Variants in FOXJ2 observed in about 807,000 individuals in gnomAD.
The protein encoded by FOXJ2 is forkhead box protein J2.
Under a neutral mutation model 68.4 loss-of-function variants are expected in FOXJ2, and 18 were observed. That is an observed-to-expected ratio of 0.26 (90% CI 0.18 to 0.39). FOXJ2 has a LOEUF of 0.39. FOXJ2 is among the 10% of genes least tolerant of loss of function. The pLI is 1.00. For missense variants in FOXJ2, 670 were observed against 726.5 expected (o/e 0.92, Z 0.89); for synonymous variants, 274 against 263.2 (o/e 1.04, Z -0.40).
rs1446234684 is a variant in FOXJ2, at chr12:8,048,173, T to G, written c.1109T>G (p.Leu370Arg). Residue 370 changes from leucine (L) to arginine (R), a missense_variant, in exon 7 of 11, where the codon CTG becomes CGG. By Grantham distance (102) the Leu-to-Arg change is moderately radical. Coordinates refer to ENST00000162391, the MANE Select transcript of FOXJ2 (RefSeq NM_018416.3). ...PPVMAMHPPP[L>R]QHGGYHPHQH... ...GTAATGGCCATGCATCCACCCCCGC[T>G]GCAGCATGGAGGCTACCACCCTCAT... The G allele has an allele frequency of 6.2e-7, 1 of 1,613,964 alleles. No homozygotes were observed. The highest frequency in any genetic ancestry group is 1.7e-5 in the Admixed American group (1 of 59,976).
rs1323960968 is a variant in FOXJ2 at position 8,049,358 on chromosome 12, G to A, written c.1328-4G>A. The A allele has an allele frequency of 6.2e-7, 1 of 1,605,924 alleles. No individual in the cohort carries two copies. ...GTTTGCATTGCTTGCTTCCCTCTTT[G>A]TAGAACTGATGGAGAGTCTACGACA... On this transcript the variant is annotated splice_region_variant and splice_polypyrimidine_tract_variant and intron_variant, in intron 8 of 10. Coordinates refer to ENST00000162391, the MANE Select transcript of FOXJ2 (RefSeq NM_018416.3).
rs1946941954 is a variant in FOXJ2, at chr12:8,039,881, C to G, written c.49C>G (p.Gln17Glu). 6.2e-7 allele frequency: 1 copy of G among 1,614,178 alleles called. No individual in the cohort carries two copies. The highest frequency in any genetic ancestry group is 8.5e-7 in the Non-Finnish European group (1 of 1,180,030). The change falls in exon 2 of 11, where the codon CAG becomes GAG. Residue 17 changes from glutamine to glutamate, a missense_variant. This residue lies in a region of FOXJ2 where 115 missense variants were observed against 164.3 expected (regional missense o/e 0.70). Coordinates refer to ENST00000162391, the MANE Select transcript of FOXJ2 (RefSeq NM_018416.3). ...CCTCACCTCCATAGACTGGCTCCCC[C>G]AGCTGACCCTCCGAGCTACCATTGA... ...SSLTSIDWLP[Q>E]LTLRATIEKL...
At chr12:8,046,943 A>G (rs1463870125) in intron 6 of FOXJ2, among the ~76,000 whole-genome samples, 1 of 152,190 alleles carries the variant, frequency 6.6e-6, no homozygotes, top group Non-Finnish European at 1.5e-5. Context: ...GGAGGAGGGA[A>G]CATGAGAAAC....
chr12:8,049,716 T>C, intron 9 of FOXJ2, 145 bp downstream of exon 9: 2 of 679,206 alleles, frequency 2.9e-6, no homozygotes, highest in Non-Finnish European at 4.7e-6. Flanking sequence ...GTTGACTGAA[T>C]ATCTGTTGAA....
chr12:8,040,512 C>T lies in FOXJ2; in HGVS notation c.333+347C>T, dbSNP rs1010987988. On this transcript the variant is annotated intron_variant, in intron 2 of 10. Transcript: ENST00000162391. This position sits in a 1 kb window ranked among gnomAD's most constrained non-coding sequence, Gnocchi z 4.0. ...TCTCGGCTCACTGCAACTTCCACCT[C>T]CCAGGTTCAAGCGATTTTCCTGCCT... Among the ~76,000 whole-genome samples, 5 of 151,920 alleles carry T rather than the reference C, an allele frequency of 3.3e-5. No individual in the cohort carries two copies. The highest frequency in any genetic ancestry group is 7.4e-5 in the Non-Finnish European group (5 of 67,990).
intron 10 of FOXJ2, 149 bp from the exon 11 acceptor site, chr12:8,052,613 C>T: frequency 1.7e-6 from 1 of 599,340 alleles, no homozygotes. Flanking sequence ...AAATGGTGAC[C>T]TGCAACCAAA....
At chr12:8,048,881 A>C in intron 8 of FOXJ2, 83 bp downstream of exon 8, 1 of 1,073,662 alleles carries the variant, frequency 9.3e-7, no homozygotes. Context: ...GGGGGTGGTT[A>C]AATGAAGTTG....
At chr12:8,046,025 C>T (rs985036159) in intron 6 of FOXJ2, among the ~76,000 whole-genome samples, 13 of 152,154 alleles carry the variant, frequency 8.5e-5, no homozygotes, top group African/African-American at 3.1e-4. Context: ...TGAACTAAAA[C>T]TGTTTGGAGT....
rs1946885205 is a variant in FOXJ2 at position 8,035,579 on chromosome 12, T to C, written c.-15+1746T>C. On this transcript the variant is annotated intron_variant, in intron 1 of 10. Transcript: ENST00000162391. This position sits in a 1 kb window ranked among gnomAD's most constrained non-coding sequence, Gnocchi z 4.0. ...CTGGTTAACAGCAGCCTGTTTCTTA[T>C]AAAGTACTTCACCAGATGCTGGCGT... is the stretch of plus-strand genomic sequence containing the variant. 6.6e-6 allele frequency among the ~76,000 whole-genome samples: 1 copy of C among 152,236 alleles called. No individual in the cohort carries two copies. The highest frequency in any genetic ancestry group is 1.5e-5 in the Non-Finnish European group (1 of 68,050).
At chr12:8,044,632 T>C in intron 5 of FOXJ2, 128 bp from the exon 6 acceptor site, 1 of 856,154 alleles carries the variant, frequency 1.2e-6, no homozygotes, top group Non-Finnish European at 1.8e-6. Flanking sequence ...AAGGAGAAAA[T>C]GATGCTGGGT....
Position 8,032,737 on chromosome 12 carries a change from C to A in FOXJ2, c.-1111C>A, listed in dbSNP as rs1442797393. ...GCCTGCAGCGGAGCCGAGCCGAGCC[C>A]GAGCCCGCGCCGAGCCCTGACACTG... is the stretch of plus-strand genomic sequence containing the variant. On this transcript the variant is annotated 5_prime_UTR_variant, in exon 1 of 11. Coordinates refer to ENST00000162391, the MANE Select transcript of FOXJ2 (RefSeq NM_018416.3). This position sits in a 1 kb window ranked among gnomAD's most constrained non-coding sequence, Gnocchi z 4.8. 5.1e-6 allele frequency: 2 copies of A among 395,828 alleles called. No homozygotes were observed. Among genetic ancestry groups the A allele is most frequent in the Non-Finnish European group, 8.9e-6 (2 of 224,384 alleles). The allele number at this position is 395,828 out of a possible 1,614,324, so 24.5% of individuals were successfully genotyped here. A position where few individuals can be genotyped will look rare whatever the true frequency, so the allele number is the denominator to read the frequency against.
chr12:8,036,829 C>G (rs910553903), intron 1 of FOXJ2, among the ~76,000 whole-genome samples: 3 of 152,234 alleles, frequency 2.0e-5, no homozygotes, highest in Non-Finnish European at 2.9e-5. Flanking sequence ...TGTTTCACAC[C>G]TGTAATCCCA....
At chr12:8,050,669 C>T (rs756821606) in intron 10 of FOXJ2, 49 bp downstream of exon 10, 4 of 1,597,694 alleles carry the variant, frequency 2.5e-6, no homozygotes, top group Admixed American at 3.3e-5. Flanking sequence ...TGATGAGTTG[C>T]TTTGCTTTCC....
At chr12:8,041,792 G>A (rs1348917956) in intron 2 of FOXJ2, among the ~76,000 whole-genome samples, 1 of 152,022 alleles carries the variant, frequency 6.6e-6, no homozygotes, top group Non-Finnish European at 1.5e-5. Context: ...TTACAGGCAT[G>A]AGCCATTGTG....
At position 8,047,875 on chromosome 12, in the gene FOXJ2, C is replaced by A. The variant is rs755895492; in HGVS notation, c.818-7C>A. The A allele has an allele frequency of 4.3e-5, 67 of 1,564,942 alleles. 1 individual carries two copies. The highest frequency in any genetic ancestry group is 7.0e-6 in the Non-Finnish European group (8 of 1,150,070). On this transcript the variant is annotated splice_polypyrimidine_tract_variant and splice_region_variant and intron_variant, in intron 6 of 10. Coordinates refer to ENST00000162391, the MANE Select transcript of FOXJ2 (RefSeq NM_018416.3). ...AAGTCACTTGCCTGCTTCCTCCCCA[C>A]CTGCAGGCTTTTCTTCTCTCCTGGG...
At chr12:8,044,356 C>T (rs4883478) in intron 5 of FOXJ2, among the ~76,000 whole-genome samples, 111,719 of 152,046 alleles carry the variant, frequency 0.73, 41,615 homozygotes, top group African/African-American at 0.78. Context: ...AGGCGGATCA[C>T]GTGAGTCCAC....
In FOXJ2 at chr12:8,039,821, C is replaced by G; in HGVS notation, c.-12C>G. On this transcript the variant is annotated splice_region_variant and 5_prime_UTR_variant, in exon 2 of 11. Coordinates refer to ENST00000162391, the MANE Select transcript of FOXJ2 (RefSeq NM_018416.3). The stretch of plus-strand genomic sequence containing the variant: ...TCTCCTCTTTGTCTTCTCTGCAGAA[C>G]CCAGAAGTACCATGGCTTCTGACCT... The G allele has an allele frequency of 6.2e-7, 1 of 1,605,540 alleles. No individual in the cohort carries two copies. The highest frequency in any genetic ancestry group is 8.5e-7 in the Non-Finnish European group (1 of 1,174,084).
intron 6 of FOXJ2, among the ~76,000 whole-genome samples, chr12:8,047,055 C>G (rs905021811): frequency 6.6e-6 from 1 of 152,066 alleles, no homozygotes; most frequent in African/African-American, 2.4e-5. Flanking sequence ...TTTGTTCTTC[C>G]CAGCCTGTCT....
chr12:8,048,724 T>C lies in FOXJ2; in HGVS notation c.1253T>C (p.Ile418Thr). Residue 418 changes from isoleucine (I) to threonine (T), a missense_variant, in exon 8 of 11, where the codon ATT (isoleucine) becomes ACT (threonine). Physicochemically the swap from Ile to Thr is moderately conservative, Grantham distance 89. Transcript: ENST00000162391. ...TTTCCTTCTGACTGGTGCTCTAATA[T>C]TGACTCTTTAAAGGAAAGCTTCAAG... Reference protein sequence around the residue: ...FAFPSDWCSNIDSLKESFKMV... With the variant: ...FAFPSDWCSNTDSLKESFKMV... The C allele has an allele frequency of 3.7e-6, 6 of 1,614,188 alleles. No individual in the cohort carries two copies. Among genetic ancestry groups the C allele is most frequent in the Non-Finnish European group, 5.1e-6 (6 of 1,180,028 alleles).
Sources: allele counts gnomAD v4.1 joint callset (sites outside exome capture counted in the v4.1 genomes callset), GRCh38; gene constraint gnomAD v4.1.1; regional missense constraint gnomAD v4.1.1; non-coding constraint Gnocchi (gnomAD v3.1); transcripts MANE v1.5; gene names NCBI Gene and HGNC (gene_info 2026-07-23, HGNC 2026-07-21).